Variants in MLLT3 observed in about 807,000 individuals in gnomAD.
MLLT3 encodes the protein protein AF-9.
A neutral mutation model predicts 53.2 loss-of-function variants in MLLT3; 4 were observed. The ratio of observed to expected loss-of-function variants is 0.08; its 90% CI spans 0.04 to 0.17. The LOEUF (loss-of-function observed/expected upper bound fraction) is 0.17. Ranked by LOEUF, MLLT3 falls within the 10% of genes least tolerant of loss-of-function variation. The probability of loss-of-function intolerance (pLI) is 1.00; values close to 1 mark genes in which losing one functional copy is unlikely to be tolerated. For missense variants in MLLT3, 569 were observed against 684.0 expected (o/e 0.83, Z 1.87); for synonymous variants, 283 against 230.6 (o/e 1.23, Z -2.06).
chr9:20,349,446 C>G (rs1290985742), intron 10 of MLLT3, among the ~76,000 whole-genome samples: 2 of 151,828 alleles, frequency 1.3e-5, no homozygotes, highest in African/African-American at 2.4e-5. Flanking sequence ...TCCTCTCGCC[C>G]CCAATGAGTG....
chr9:20,359,522 G>T (rs973047270), intron 8 of MLLT3, among the ~76,000 whole-genome samples: 2 of 152,238 alleles, frequency 1.3e-5, no homozygotes, highest in Admixed American at 6.5e-5. Flanking sequence ...CAGTTGAACT[G>T]TAACTGGTAC....
intron 2 of MLLT3, among the ~76,000 whole-genome samples, chr9:20,487,064 T>A (rs1824832818): frequency 6.6e-6 from 1 of 152,104 alleles, no homozygotes; most frequent in Admixed American, 6.5e-5. Flanking sequence ...CTATAAAAAA[T>A]CAATTATTTA....
chr9:20,554,192 A>G (rs1313588671), intron 2 of MLLT3, among the ~76,000 whole-genome samples: 2 of 152,198 alleles, frequency 1.3e-5, no homozygotes, highest in East Asian at 1.9e-4. Flanking sequence ...AACAATTTCA[A>G]TCAAACCAAT....
chr9:20,480,557 A>G (rs1824636370), intron 2 of MLLT3, among the ~76,000 whole-genome samples: 1 of 152,206 alleles, frequency 6.6e-6, no homozygotes, highest in South Asian at 2.1e-4. Flanking sequence ...GCATCTGCAA[A>G]GAGGGTCAGG....
At chr9:20,416,905 A>G (rs1281438582) in intron 4 of MLLT3, among the ~76,000 whole-genome samples, 2 of 152,166 alleles carry the variant, frequency 1.3e-5, no homozygotes, top group African/African-American at 4.8e-5. Flanking sequence ...AAGTTCAAAT[A>G]TATTGTCACC....
intron 2 of MLLT3, among the ~76,000 whole-genome samples, chr9:20,602,314 C>T (rs919675770): frequency 6.6e-6 from 1 of 152,074 alleles, no homozygotes; most frequent in Admixed American, 6.6e-5. Flanking sequence ...AGTTCAGCTT[C>T]TTAAGCACAT....
chr9:20,611,802 C>T (rs1448498443), intron 2 of MLLT3, among the ~76,000 whole-genome samples: 1 of 152,212 alleles, frequency 6.6e-6, no homozygotes, highest in East Asian at 1.9e-4. Flanking sequence ...ACTTACCACA[C>T]TTAAGTCAAA....
At chr9:20,471,000 T>C (rs183648462) in intron 2 of MLLT3, among the ~76,000 whole-genome samples, 1 of 152,112 alleles carries the variant, frequency 6.6e-6, no homozygotes, top group African/African-American at 2.4e-5. Context: ...TTAACACCTT[T>C]CATCACGTCC....
At chr9:20,564,408 T>C (rs1054689336) in intron 2 of MLLT3, among the ~76,000 whole-genome samples, 31 of 152,202 alleles carry the variant, frequency 2.0e-4, no homozygotes, top group African/African-American at 7.0e-4. Flanking sequence ...TCTCTGGAAA[T>C]AAATGACTCC....
chr9:20,354,946 A>G, intron 8 of MLLT3, 67 bp from the exon 9 acceptor site: 2 of 1,062,738 alleles, frequency 1.9e-6, no homozygotes, highest in Middle Eastern at 2.0e-4. Context: ...CAGCCACCTA[A>G]ACAAAGGCAT....
At chr9:20,516,180 C>T (rs1817912724) in intron 2 of MLLT3, among the ~76,000 whole-genome samples, 1 of 152,176 alleles carries the variant, frequency 6.6e-6, no homozygotes, top group Non-Finnish European at 1.5e-5. Flanking sequence ...ACCTGTGACC[C>T]ACATGAAGGA....
At chr9:20,504,350 T>TTGTGTGAGTG (rs1825329402) in intron 2 of MLLT3, among the ~76,000 whole-genome samples, 1 of 148,980 alleles carries the variant, frequency 6.7e-6, no homozygotes, top group African/African-American at 2.5e-5. Flanking sequence ...CCCAATGGAA[T>TTGTGTGAGTG]TGTGTGTGTG....
At chr9:20,375,579 G>A (rs1485481360) in intron 5 of MLLT3, among the ~76,000 whole-genome samples, 1 of 141,978 alleles carries the variant, frequency 7.0e-6, no homozygotes, top group African/African-American at 2.6e-5. Context: ...TAGGAACCTT[G>A]TTATTTCAGT....
rs145132464 is a variant in MLLT3, at chr9:20,464,792, A to T, written c.194-8006T>A. 3.7e-3 allele frequency among the ~76,000 whole-genome samples: 564 copies of T among 152,076 alleles called. 3 individuals are homozygous for T. Among genetic ancestry groups the T allele is most frequent in the African/African-American group, 0.013 (527 of 41,512 alleles). ...CCAGCACTACTTAGCCCCTTACCTG[A>T]TTTCTTCCTGTATAACTGAGGTGAA... is the stretch of plus-strand genomic sequence containing the variant. On this transcript the variant is annotated intron_variant, in intron 2 of 10. Coordinates refer to ENST00000380338, the MANE Select transcript of MLLT3 (RefSeq NM_004529.4).
At chr9:20,536,876 G>T (rs1400031764) in intron 2 of MLLT3, among the ~76,000 whole-genome samples, 1 of 148,810 alleles carries the variant, frequency 6.7e-6, no homozygotes, top group Non-Finnish European at 1.5e-5. Flanking sequence ...CTGCCAACAA[G>T]CACATACTGT....
intron 7 of MLLT3, among the ~76,000 whole-genome samples, chr9:20,362,347 C>G: frequency 6.6e-6 from 1 of 152,158 alleles, no homozygotes; most frequent in Non-Finnish European, 1.5e-5. Flanking sequence ...ATACGTTTTT[C>G]ATCAACTAAA....
At chr9:20,558,230 T>A (rs1819112027) in intron 2 of MLLT3, among the ~76,000 whole-genome samples, 1 of 152,214 alleles carries the variant, frequency 6.6e-6, no homozygotes, top group African/African-American at 2.4e-5. Context: ...GAATGTTTCT[T>A]TTTAACAAAT....
At chr9:20,587,829 G>T (rs935574021) in intron 2 of MLLT3, among the ~76,000 whole-genome samples, 1 of 152,136 alleles carries the variant, frequency 6.6e-6, no homozygotes, top group Non-Finnish European at 1.5e-5. Flanking sequence ...TTGCTGTGCA[G>T]AAGCTCTTTA....
At chr9:20,403,639 G>C (rs1215354838) in intron 5 of MLLT3, among the ~76,000 whole-genome samples, 1 of 152,186 alleles carries the variant, frequency 6.6e-6, no homozygotes, top group African/African-American at 2.4e-5. Flanking sequence ...AAGATCATCA[G>C]ATAACTTAGC....
Sources: gnomAD v4.1 joint callset for allele counts (sites outside exome capture counted in the v4.1 genomes callset) on GRCh38, gnomAD v4.1.1 for gene constraint, MANE v1.5 for transcripts, NCBI Gene and HGNC (gene_info 2026-07-23, HGNC 2026-07-21) for gene names.